Variants in STRA8 observed in about 807,000 individuals in gnomAD.
STRA8 encodes the protein stimulated by retinoic acid gene 8 protein homolog.
In STRA8, 18 loss-of-function variants were observed where a neutral mutation model predicts 37.1. The ratio of observed to expected loss-of-function variants is 0.48; its 90% CI spans 0.34 to 0.72. STRA8 has a LOEUF of 0.72. STRA8 is among the 30% of genes least tolerant of loss of function. STRA8 has a pLI of 0.01. For missense variants in STRA8, 357 were observed against 410.4 expected (o/e 0.87, Z 1.13); for synonymous variants, 168 against 162.9 (o/e 1.03, Z -0.24).
At chr7:135,253,958 C>A (rs917198022) in intron 7 of STRA8, among the ~76,000 whole-genome samples, 2 of 152,174 alleles carry the variant, frequency 1.3e-5, no homozygotes, top group Admixed American at 1.3e-4. Flanking sequence ...ACCCAGCTGG[C>A]CTTTCAGCAG....
Position 135,245,442 on chromosome 7 carries a change from G to A in STRA8, c.508G>A (p.Glu170Lys), listed in dbSNP as rs1161741031. ...EEEEEEEEEEEEEEEEEEEKK... is the reference protein window; with the variant it reads ...EEEEEEEEEEKEEEEEEEEKK... ...AGAGGAGGAGGAGGAAGAGGAGGAA[G>A]AGGAAGAGGAGGAGGAGGAAGAGGA... is the stretch of plus-strand genomic sequence containing the variant. Residue 170 changes from glutamate (E) to lysine (K), a missense_variant, in exon 5 of 9, where the codon GAG (glutamate) becomes AAG (lysine). Transcript: ENST00000662584. The A allele has an allele frequency of 1.3e-6, 1 of 751,656 alleles. No individual in the cohort carries two copies. The allele number at this position is 751,656 out of a possible 1,614,324, so 46.6% of individuals were successfully genotyped here.
Position 135,242,840 on chromosome 7 carries a change from T to A in STRA8, c.252T>A (p.Asn84Lys). 2 of 1,614,226 alleles carry A rather than the reference T, an allele frequency of 1.2e-6. No homozygotes were observed. Among genetic ancestry groups the A allele is most frequent in the South Asian group, 2.2e-5 (2 of 91,076 alleles). The change falls in exon 3 of 9, where the codon AAT becomes AAA. Residue 84 changes from asparagine (N) to lysine (K), a missense_variant. By Grantham distance (94) the Asn-to-Lys change is moderately conservative. Coordinates refer to ENST00000662584, the MANE Select transcript of STRA8 (RefSeq NM_001394401.1). ...CAGAACTGGAGCAAACCCTGGATAA[T>A]TTGCTGAAGCTGAAAGGTAATGGAG... ...HIPELEQTLD[N>K]LLKLKASFNL...
chr7:135,246,350 G>A lies in STRA8; in HGVS notation c.594-67G>A. On this transcript the variant is annotated intron_variant, in intron 5 of 8. Coordinates refer to ENST00000662584, the MANE Select transcript of STRA8 (RefSeq NM_001394401.1). The surrounding 1 kb of genome is among the most constrained non-coding windows in gnomAD (Gnocchi z 5.4). Reference sequence around the variant, plus strand: ...GCCTGCGTGCTGGGGTCCACACCATGAACCGAATCCCGAATCGCTTCGAGA... The same window carrying A: ...GCCTGCGTGCTGGGGTCCACACCATAAACCGAATCCCGAATCGCTTCGAGA... 6.4e-7 allele frequency: 1 copy of A among 1,553,840 alleles called. No homozygotes were observed.
upstream of STRA8, among the ~76,000 whole-genome samples, chr7:135,232,393 G>A (rs189499920): frequency 1.2e-3 from 175 of 152,018 alleles, 2 homozygotes; most frequent in South Asian, 0.011. Flanking sequence ...CAAGGGCTGC[G>A]TGACAGCCAG....
chr7:135,252,292 GA>G (rs2117821666), intron 7 of STRA8, among the ~76,000 whole-genome samples: 1 of 152,236 alleles, frequency 6.6e-6, no homozygotes, highest in African/African-American at 2.4e-5. Flanking sequence ...AGTGAAGGGG[GA>G]AGTGCTACAC....
intron 2 of STRA8, among the ~76,000 whole-genome samples, chr7:135,242,154 G>A (rs923803221): frequency 7.9e-6 from 1 of 126,360 alleles, no homozygotes; most frequent in African/African-American, 3.0e-5. Context: ...AGGAAGGAGG[G>A]AAGGAGGGAG....
At chr7:135,242,894 T>C in intron 3 of STRA8, 38 bp downstream of exon 3, 1 of 1,586,970 alleles carries the variant, frequency 6.3e-7, no homozygotes, top group Non-Finnish European at 8.6e-7. Context: ...TCTCCCTCCC[T>C]GGAGAAAACT....
chr7:135,236,381 G>A (rs907238778), intron 1 of STRA8, among the ~76,000 whole-genome samples: 3 of 151,994 alleles, frequency 2.0e-5, no homozygotes, highest in Non-Finnish European at 4.4e-5. Flanking sequence ...TATGACCCAG[G>A]TATCAAGCCA....
rs1430655522 is a variant in STRA8 at position 135,246,655 on chromosome 7, G to A, written c.832G>A (p.Val278Met). 7 of 1,534,820 alleles carry A rather than the reference G, an allele frequency of 4.6e-6. No homozygotes were observed. The Admixed American group carries it at 9.9e-5, about 22-fold the overall frequency. ...CGAGGGCAGCGTGAAGGACAGCGGC[G>A]TGGACAGCCAGGGGGCCAGCTGCTC... is the stretch of plus-strand genomic sequence containing the variant. ...CAEGSVKDSG[V>M]DSQGASCSLV... Residue 278 changes from valine (V) to methionine (M), a missense_variant, in exon 6 of 9, where the codon GTG becomes ATG. Val to Met is a conservative substitution (Grantham distance 21, BLOSUM62 1). Coordinates refer to ENST00000662584, the MANE Select transcript of STRA8 (RefSeq NM_001394401.1). This position sits in a 1 kb window ranked among gnomAD's most constrained non-coding sequence, Gnocchi z 5.4.
At chr7:135,235,461 G>C (rs1040264991) in intron 1 of STRA8, among the ~76,000 whole-genome samples, 2 of 118,420 alleles carry the variant, frequency 1.7e-5, no homozygotes, top group African/African-American at 6.2e-5. Context: ...TTTTTTTTAA[G>C]ACAGAGTTTC....
chr7:135,239,628 G>A (rs1471904092), intron 1 of STRA8, among the ~76,000 whole-genome samples: 1 of 151,708 alleles, frequency 6.6e-6, no homozygotes, highest in Non-Finnish European at 1.5e-5. Flanking sequence ...GTAGTGGGGT[G>A]AGGCCTGATG....
intron 1 of STRA8, among the ~76,000 whole-genome samples, chr7:135,240,159 C>A (rs748712336): frequency 9.2e-5 from 14 of 152,156 alleles, no homozygotes; most frequent in Non-Finnish European, 1.8e-4. Flanking sequence ...TGAGTATCTG[C>A]AATGTGTTGG....
At chr7:135,253,794 A>C (rs1832669441) in intron 7 of STRA8, among the ~76,000 whole-genome samples, 1 of 152,184 alleles carries the variant, frequency 6.6e-6, no homozygotes, top group Non-Finnish European at 1.5e-5. Context: ...CTGTGCTGCT[A>C]TCATGGCTAA....
At position 135,242,824 on chromosome 7, in the gene STRA8, A is replaced by G. The variant is rs779662938; in HGVS notation, c.236A>G (p.Glu79Gly). The change falls in exon 3 of 9, where the codon GAG (glutamate) becomes GGG (glycine). Residue 79 changes from glutamate to glycine, a missense_variant. Glu to Gly is a moderately conservative substitution (Grantham distance 98). Transcript: ENST00000662584. Reference sequence around the variant, plus strand: ...GCAAAGAGTCATATTCCAGAACTGGAGCAAACCCTGGATAATTTGCTGAAG... The same window carrying G: ...GCAAAGAGTCATATTCCAGAACTGGGGCAAACCCTGGATAATTTGCTGAAG... ...NKAKSHIPEL[E>G]QTLDNLLKLK... The G allele has an allele frequency of 1.9e-6, 3 of 1,614,210 alleles. No homozygotes were observed. The highest frequency in any genetic ancestry group is 2.5e-6 in the Non-Finnish European group (3 of 1,180,030).
At chr7:135,239,474 C>T (rs150699839) in intron 1 of STRA8, among the ~76,000 whole-genome samples, 9 of 152,286 alleles carry the variant, frequency 5.9e-5, no homozygotes, top group African/African-American at 1.9e-4. Flanking sequence ...TAGCAGAAAC[C>T]GCTCACTGTA....
chr7:135,250,263 G>T (rs946604052), intron 6 of STRA8, among the ~76,000 whole-genome samples: 5 of 152,182 alleles, frequency 3.3e-5, no homozygotes, highest in Admixed American at 3.3e-4. Context: ...TTGTGAGGGG[G>T]ATTTGCACAG....
At chr7:135,245,213 G>C in intron 4 of STRA8, 75 bp from the exon 5 acceptor site, 1 of 776,040 alleles carries the variant, frequency 1.3e-6, no homozygotes, top group Non-Finnish European at 2.4e-6. Flanking sequence ...ACTTGCTAAA[G>C]TTGCTAAGAA....
intron 1 of STRA8, 83 bp from the exon 2 acceptor site, chr7:135,240,436 C>T (rs1431412065): frequency 5.7e-6 from 8 of 1,403,342 alleles, no homozygotes; most frequent in Non-Finnish European, 7.9e-6. Context: ...TCCTTTCTGC[C>T]TGCCTCAATT....
chr7:135,237,118 GA>G (rs1379750330), intron 1 of STRA8, among the ~76,000 whole-genome samples: 6 of 152,208 alleles, frequency 3.9e-5, no homozygotes, highest in African/African-American at 1.4e-4. Flanking sequence ...GGGGCAGAGA[GA>G]GATGGTATTA....
Sources: allele counts gnomAD v4.1 joint callset (sites outside exome capture counted in the v4.1 genomes callset), GRCh38; gene constraint gnomAD v4.1.1; non-coding constraint Gnocchi (gnomAD v3.1); transcripts MANE v1.5; gene names NCBI Gene and HGNC (gene_info 2026-07-23, HGNC 2026-07-21).